Variants in DAB1 observed in about 807,000 individuals in gnomAD.
DAB1 encodes disabled homolog 1.
Under a neutral mutation model 64.6 loss-of-function variants are expected in DAB1, and 15 were observed. The ratio of observed to expected loss-of-function variants is 0.23; its 90% CI spans 0.16 to 0.36. The LOEUF is 0.36. DAB1 is among the 10% of genes least tolerant of loss of function. The probability of loss-of-function intolerance (pLI) is 1.00; values close to 1 mark genes in which losing one functional copy is unlikely to be tolerated. For missense variants in DAB1, 596 were observed against 706.7 expected (o/e 0.84, Z 1.78); for synonymous variants, 235 against 251.9 (o/e 0.93, Z 0.64).
At chr1:58,424,801 G>A (rs1644805504) in intron 3 of DAB1, among the ~76,000 whole-genome samples, 1 of 152,130 alleles carries the variant, frequency 6.6e-6, no homozygotes, top group African/African-American at 2.4e-5. Flanking sequence ...AATAGGGCTT[G>A]GGGACCAGTC....
chr1:57,800,346 A>G (rs1651065870), intron 6 of DAB1, among the ~76,000 whole-genome samples: 1 of 152,206 alleles, frequency 6.6e-6, no homozygotes, highest in South Asian at 2.1e-4. Context: ...GAAGCTAGAA[A>G]AGAAAAAAAC....
chr1:58,002,678 T>TAG (rs1248944974), intron 5 of DAB1, among the ~76,000 whole-genome samples: 2 of 151,772 alleles, frequency 1.3e-5, no homozygotes, highest in South Asian at 2.1e-4. Flanking sequence ...TATATATATA[T>TAG]ATAGAGAGAG....
chr1:57,171,276 A>G (rs1053630590), intron 2 of DAB1, among the ~76,000 whole-genome samples: 3 of 152,196 alleles, frequency 2.0e-5, no homozygotes, highest in African/African-American at 7.2e-5. Flanking sequence ...ACAAACCCCA[A>G]AGGAATACTA....
At chr1:57,214,155 A>T (rs1213749981) in intron 2 of DAB1, among the ~76,000 whole-genome samples, 5 of 152,220 alleles carry the variant, frequency 3.3e-5, no homozygotes. Context: ...TCCAAGATCA[A>T]GGGGCCAGCA....
intron 6 of DAB1, among the ~76,000 whole-genome samples, chr1:57,667,316 G>A (rs1441434278): frequency 2.0e-5 from 3 of 152,140 alleles, no homozygotes; most frequent in Non-Finnish European, 4.4e-5. Flanking sequence ...TGTCAATTGT[G>A]TCCACTGGAG....
chr1:57,224,744 A>G (rs1383989918), intron 2 of DAB1, among the ~76,000 whole-genome samples: 1 of 152,188 alleles, frequency 6.6e-6, no homozygotes, highest in Non-Finnish European at 1.5e-5. Flanking sequence ...GGATTCCCCC[A>G]TTGATAGGAG....
intron 6 of DAB1, among the ~76,000 whole-genome samples, chr1:57,803,333 A>T (rs1651215231): frequency 6.6e-6 from 1 of 152,226 alleles, no homozygotes; most frequent in Non-Finnish European, 1.5e-5. Flanking sequence ...GGGATGTGAC[A>T]CAGCAACTAT....
In DAB1 at chr1:57,235,726, A is replaced by G. The variant is rs192213685; in HGVS notation, c.67+55238T>C. Among the ~76,000 whole-genome samples, 22 of 144,714 alleles carry G rather than the reference A, an allele frequency of 1.5e-4. No individual in the cohort carries two copies. The East Asian group carries it at 4.4e-3, about 29-fold the overall frequency. The allele number at this position is 144,714 out of a possible 152,430, so 94.9% of individuals were successfully genotyped here. A position where few individuals can be genotyped will look rare whatever the true frequency, so the allele number is the denominator to read the frequency against. On this transcript the variant is annotated intron_variant, in intron 2 of 14. Transcript: ENST00000371236. The stretch of plus-strand genomic sequence containing the variant: ...AAACTTTAAAAAAGAAAAAAAAACA[A>G]GCTTCCTGCATATGGTTGAATCACA...
At chr1:58,419,908 A>G (rs1644756137) in intron 3 of DAB1, among the ~76,000 whole-genome samples, 1 of 152,282 alleles carries the variant, frequency 6.6e-6, no homozygotes, top group East Asian at 1.9e-4. Flanking sequence ...GCCTGTGATA[A>G]TGACACCTCC....
chr1:57,918,471 T>G (rs1569990806), intron 5 of DAB1, among the ~76,000 whole-genome samples: 2 of 152,124 alleles, frequency 1.3e-5, no homozygotes, highest in South Asian at 2.1e-4. Flanking sequence ...AACAACCCAC[T>G]CTCATAGGAA....
intron 6 of DAB1, among the ~76,000 whole-genome samples, chr1:57,806,869 T>A (rs1251419662): frequency 6.6e-6 from 1 of 152,234 alleles, no homozygotes; most frequent in East Asian, 1.9e-4. Context: ...ATGTTTTATA[T>A]ACTTATCATA....
At chr1:57,982,389 T>C (rs1318393720) in intron 5 of DAB1, among the ~76,000 whole-genome samples, 2 of 152,212 alleles carry the variant, frequency 1.3e-5, no homozygotes, top group Non-Finnish European at 2.9e-5. Flanking sequence ...AATAGTATAA[T>C]AGGACTAGTG....
chr1:57,095,084 ACT>A (rs1399273427), intron 4 of DAB1, among the ~76,000 whole-genome samples: 1 of 151,624 alleles, frequency 6.6e-6, no homozygotes, highest in Non-Finnish European at 1.5e-5. Context: ...TGAAATTCAG[ACT>A]CTCCTTCAGG....
intron 11 of DAB1, among the ~76,000 whole-genome samples, chr1:57,021,393 C>T (rs1646614217): frequency 6.6e-6 from 1 of 152,186 alleles, no homozygotes; most frequent in South Asian, 2.1e-4. Context: ...CCACCCAAAT[C>T]TCACCTTGAA....
chr1:57,824,268 G>A (rs1383310723), downstream of DAB1, among the ~76,000 whole-genome samples: 2 of 152,120 alleles, frequency 1.3e-5, no homozygotes, highest in African/African-American at 4.8e-5. Context: ...TCACCCACAA[G>A]TGCCCATTGT....
At position 58,451,912 on chromosome 1, in the gene DAB1, T is replaced by C. The variant is rs112917480; in HGVS notation, n.257+54148A>G. On this transcript the variant is annotated intron_variant and non_coding_transcript_variant, in intron 3 of 20. Coordinates refer to the DAB1 transcript ENST00000485760. ...AGTAAGAAGCAAAGCATCCACTTTT[T>C]TTCTTTCCTTTTTTTTTTTTTTTTG... 2.0e-3 allele frequency among the ~76,000 whole-genome samples: 293 copies of C among 147,092 alleles called. 1 individual carries two copies. The highest frequency in any genetic ancestry group is 6.7e-3 in the African/African-American group (259 of 38,814).
At chr1:57,860,664 A>G (rs576393077) in intron 1 of DAB1, 51 of 152,328 alleles carry the variant, frequency 3.3e-4, no homozygotes, top group African/African-American at 1.1e-3. Context: ...AGAAGCCACA[A>G]AAGTGTCTTT....
intron 7 of DAB1, among the ~76,000 whole-genome samples, chr1:57,453,583 C>A (rs1233098045): frequency 3.3e-5 from 5 of 152,066 alleles, no homozygotes; most frequent in Non-Finnish European, 7.4e-5. Context: ...GTTTGTAATC[C>A]AATTTCTTTG....
chr1:58,507,952 T>G (rs1315152113), intron 2 of DAB1, among the ~76,000 whole-genome samples: 4 of 152,158 alleles, frequency 2.6e-5, no homozygotes, highest in African/African-American at 9.7e-5. Flanking sequence ...AATTCACGAA[T>G]TATCTAACAT....
Sources: allele counts gnomAD v4.1 joint callset (sites outside exome capture counted in the v4.1 genomes callset), GRCh38; gene constraint gnomAD v4.1.1; transcripts MANE v1.5; gene names NCBI Gene and HGNC (gene_info 2026-07-23, HGNC 2026-07-21).